The following CNTN4 variants were observed in gnomAD, a reference collection of about 807,000 sequenced individuals.
The protein encoded by CNTN4 is contactin-4.
A neutral mutation model predicts 122.5 loss-of-function variants in CNTN4; 77 were observed. The ratio of observed to expected loss-of-function variants is 0.63; its 90% CI spans 0.52 to 0.76. CNTN4 has a LOEUF of 0.76. CNTN4 is among the 30% of genes least tolerant of loss of function. CNTN4 has a pLI of 0.00. For missense variants in CNTN4, 1,256 were observed against 1,259.1 expected (o/e 1.00, Z 0.04); for synonymous variants, 512 against 447.0 (o/e 1.15, Z -1.83).
chr3:2,604,135 A>G (rs2081161676), intron 4 of CNTN4, among the ~76,000 whole-genome samples: 1 of 152,206 alleles, frequency 6.6e-6, no homozygotes. Context: ...TCAAAGAAAA[A>G]GAAAGTAGGA....
At position 2,211,008 on chromosome 3, in the gene CNTN4, C is replaced by T. The variant is rs1486828150; in HGVS notation, c.-145+110369C>T. On this transcript the variant is annotated intron_variant, in intron 2 of 24. Coordinates refer to ENST00000418658, the MANE Select transcript of CNTN4 (RefSeq NM_175607.3). The stretch of plus-strand genomic sequence containing the variant: ...TATTAGGCCATTTTTGCATTGCTGT[C>T]AAGAAATACCTGAAACTGGGTAATT... 2.0e-5 allele frequency among the ~76,000 whole-genome samples: 3 copies of T among 152,186 alleles called. No individual in the cohort carries two copies. In the East Asian group the frequency reaches 5.8e-4, roughly 29 times the overall value.
intron 7 of CNTN4, among the ~76,000 whole-genome samples, chr3:2,845,628 A>T (rs2093443654): frequency 6.6e-6 from 1 of 152,206 alleles, no homozygotes; most frequent in Non-Finnish European, 1.5e-5. Context: ...AACAGTTTTC[A>T]AGAGTAGAGA....
At chr3:2,348,803 C>G (rs62244021) in intron 3 of CNTN4, among the ~76,000 whole-genome samples, 19,399 of 152,070 alleles carry the variant, frequency 0.13, 1,542 homozygotes, top group Non-Finnish European at 0.18. Context: ...TGAACTAATA[C>G]GAAGAAAAAC....
intron 15 of CNTN4, 29 bp from the exon 16 acceptor site, chr3:3,030,826 A>G: frequency 6.2e-7 from 1 of 1,613,300 alleles, no homozygotes; most frequent in Non-Finnish European, 8.5e-7. Context: ...TTAAAAAGTA[A>G]TTGCAGCCAC....
At chr3:2,140,485 G>A (rs2034938281) in intron 2 of CNTN4, among the ~76,000 whole-genome samples, 1 of 152,094 alleles carries the variant, frequency 6.6e-6, no homozygotes, top group African/African-American at 2.4e-5. Context: ...GACACTTTTG[G>A]TGAGGGCCCA....
intron 7 of CNTN4, among the ~76,000 whole-genome samples, chr3:2,844,462 A>G (rs1347042108): frequency 1.3e-5 from 2 of 152,312 alleles, no homozygotes; most frequent in Non-Finnish European, 2.9e-5. Flanking sequence ...CTGACCCTTC[A>G]GAAGTGTGTG....
At chr3:2,386,348 A>G (rs1285425371) in intron 3 of CNTN4, among the ~76,000 whole-genome samples, 1 of 152,172 alleles carries the variant, frequency 6.6e-6, no homozygotes. Flanking sequence ...ATTGAGACAT[A>G]CAACCCATAG....
At chr3:2,123,571 G>A (rs955488813) in intron 2 of CNTN4, among the ~76,000 whole-genome samples, 2 of 152,130 alleles carry the variant, frequency 1.3e-5, no homozygotes, top group African/African-American at 4.8e-5. Context: ...CAGCTGTGGT[G>A]TATCTTCCCA....
chr3:2,882,854 C>T (rs1370118742), intron 8 of CNTN4: 5 of 339,816 alleles, frequency 1.5e-5, no homozygotes, highest in South Asian at 1.4e-4. Flanking sequence ...TCCCCTTCTC[C>T]TTTTTTTCCT....
chr3:2,219,039 G>C (rs2038961102), intron 2 of CNTN4, among the ~76,000 whole-genome samples: 1 of 152,194 alleles, frequency 6.6e-6, no homozygotes, highest in Non-Finnish European at 1.5e-5. Flanking sequence ...ATTACAAAGG[G>C]CTTGCACATA....
chr3:2,693,796 A>G (rs2085869026), intron 4 of CNTN4, among the ~76,000 whole-genome samples: 1 of 152,234 alleles, frequency 6.6e-6, no homozygotes, highest in Non-Finnish European at 1.5e-5. Flanking sequence ...ACTAGGAAAC[A>G]CATCACAAGA....
chr3:2,608,683 G>T (rs189943860), intron 4 of CNTN4, among the ~76,000 whole-genome samples: 2 of 151,078 alleles, frequency 1.3e-5, no homozygotes, highest in East Asian at 1.9e-4. Flanking sequence ...GGGTTTCACC[G>T]TGTTGGCCAG....
chr3:2,391,256 A>G (rs564168529), intron 3 of CNTN4, among the ~76,000 whole-genome samples: 12 of 152,352 alleles, frequency 7.9e-5, no homozygotes, highest in African/African-American at 2.9e-4. Context: ...AACAGAGTGC[A>G]TAATAAGAGT....
chr3:2,546,559 A>G (rs889020625), intron 3 of CNTN4, among the ~76,000 whole-genome samples: 5 of 152,222 alleles, frequency 3.3e-5, no homozygotes, highest in African/African-American at 1.2e-4. Context: ...TATTATATGC[A>G]TGATGAAATA....
intron 4 of CNTN4, among the ~76,000 whole-genome samples, chr3:2,678,992 G>A (rs116690711): frequency 1.0e-3 from 153 of 152,242 alleles, no homozygotes; most frequent in African/African-American, 3.5e-3. Flanking sequence ...CATGTGTTCT[G>A]TTGAAATGCC....
intron 7 of CNTN4, among the ~76,000 whole-genome samples, chr3:2,822,035 T>C (rs1185894531): frequency 6.6e-6 from 1 of 152,202 alleles, no homozygotes; most frequent in East Asian, 1.9e-4. Flanking sequence ...GCATCCTGAA[T>C]ACGAAGGAGA....
intron 3 of CNTN4, among the ~76,000 whole-genome samples, chr3:2,490,547 G>A (rs1189296101): frequency 1.3e-5 from 2 of 152,174 alleles, no homozygotes; most frequent in Non-Finnish European, 2.9e-5. Flanking sequence ...CTCCGGGTAT[G>A]GTGGAAATGC....
intron 3 of CNTN4, among the ~76,000 whole-genome samples, chr3:2,549,927 G>T (rs2078415825): frequency 6.6e-6 from 1 of 152,034 alleles, no homozygotes; most frequent in Non-Finnish European, 1.5e-5. Flanking sequence ...TTTAGTCTTG[G>T]GAGGGTGTAT....
chr3:2,781,378 T>C (rs1234565201), intron 6 of CNTN4, among the ~76,000 whole-genome samples: 1 of 152,234 alleles, frequency 6.6e-6, no homozygotes, highest in East Asian at 1.9e-4. Context: ...CATAATACTA[T>C]GCTGTGAATG....
Sources: gnomAD v4.1 joint callset for allele counts (sites outside exome capture counted in the v4.1 genomes callset) on GRCh38, gnomAD v4.1.1 for gene constraint, MANE v1.5 for transcripts, NCBI Gene and HGNC (gene_info 2026-07-23, HGNC 2026-07-21) for gene names.